PAN3: variants seen among roughly 807,000 people sequenced by gnomAD.
The protein encoded by PAN3 is poly(A) specific ribonuclease subunit PAN3, also known as PAN2-PAN3 deadenylation complex subunit PAN3.
PAN3 carries 19 observed loss-of-function variants against 96.2 expected under a neutral mutation model. The observed-to-expected ratio is 0.20, with a 90% CI of 0.14 to 0.29. The LOEUF is 0.29. Among genes scored for constraint, PAN3 ranks in the 10% least tolerant of loss-of-function variants. The pLI, the probability that PAN3 is intolerant of heterozygous loss-of-function variation, is 1.00. For missense variants in PAN3, 882 were observed against 1,108.1 expected (o/e 0.80, Z 2.90); for synonymous variants, 433 against 406.6 (o/e 1.06, Z -0.78).
chr13:28,182,772 G>A (rs546759052), intron 4 of PAN3, among the ~76,000 whole-genome samples: 22 of 152,168 alleles, frequency 1.4e-4, no homozygotes, highest in Middle Eastern at 3.4e-3. Flanking sequence ...ACTTTTCTCC[G>A]CTTTCTTCTT....
chr13:28,157,976 C>G (rs190967554), intron 1 of PAN3, among the ~76,000 whole-genome samples: 1 of 152,140 alleles, frequency 6.6e-6, no homozygotes, highest in East Asian at 1.9e-4. Flanking sequence ...ATCAAAACAG[C>G]GTGGTACAGG....
chr13:28,267,516 C>A (rs1886284222), intron 12 of PAN3, 115 bp downstream of exon 12: 1 of 855,632 alleles, frequency 1.2e-6, no homozygotes, highest in Non-Finnish European at 1.8e-6. Flanking sequence ...AGTTTAAAGA[C>A]TCTATTACAT....
rs1870132004 is a variant in PAN3 at position 28,294,728 on chromosome 13, G to C, written c.*2206G>C. The stretch of plus-strand genomic sequence containing the variant: ...TTGCTTCAGCCCCTAGTTAACCTCA[G>C]GACTTGGTTTGCATATAAAAGGTAG... On this transcript the variant is annotated 3_prime_UTR_variant, in exon 19 of 19. Transcript: ENST00000380958. 6.6e-6 allele frequency: 1 copy of C among 152,602 alleles called. No individual in the cohort carries two copies. Among genetic ancestry groups the C allele is most frequent in the Non-Finnish European group, 1.5e-5 (1 of 68,034 alleles). The allele number at this position is 152,602 out of a possible 1,614,324, so 9.5% of individuals were successfully genotyped here. A position where few individuals can be genotyped will look rare whatever the true frequency, so the allele number is the denominator to read the frequency against.
chr13:28,225,597 C>A (rs942715607), intron 6 of PAN3, among the ~76,000 whole-genome samples: 3 of 152,168 alleles, frequency 2.0e-5, no homozygotes, highest in Admixed American at 2.0e-4. Flanking sequence ...TAGTCATTTA[C>A]AGTAATATAA....
intron 6 of PAN3, among the ~76,000 whole-genome samples, chr13:28,227,062 T>G (rs906588096): frequency 6.6e-6 from 1 of 152,188 alleles, no homozygotes; most frequent in Non-Finnish European, 1.5e-5. Flanking sequence ...TGTATGCATG[T>G]GTAAGGACAC....
At chr13:28,245,135 A>G (rs1006672410) in intron 6 of PAN3, among the ~76,000 whole-genome samples, 10 of 152,124 alleles carry the variant, frequency 6.6e-5, no homozygotes, top group Non-Finnish European at 1.3e-4. Context: ...GCATGAGCCA[A>G]TGTGGCCAGC....
chr13:28,288,116 T>G lies in PAN3; in HGVS notation c.2517T>G (p.Leu839=). 6 of 1,600,658 alleles carry G rather than the reference T, an allele frequency of 3.7e-6. No individual in the cohort carries two copies. The highest frequency in any genetic ancestry group is 4.3e-6 in the Non-Finnish European group (5 of 1,175,954). Residue 839 remains leucine (L), a synonymous_variant, in exon 18 of 19, where the codon CTT becomes CTG. Transcript: ENST00000380958. ...WIDLSHIISC[L]NKLDAGVPEK... ...ACCTCAGTCATATAATTTCTTGTCT[T>G]AACAAGGTAATTTGTATCTAGATTT...
rs2138455287 is a variant in PAN3, at chr13:28,234,130, G to A, written c.1000+13752G>A. Among the ~76,000 whole-genome samples, 5 of 152,320 alleles carry A rather than the reference G, an allele frequency of 3.3e-5. No homozygotes were observed. The South Asian group carries it at 1.0e-3, about 32-fold the overall frequency. On this transcript the variant is annotated intron_variant, in intron 6 of 18. Transcript: ENST00000380958. ...GAGTTGAGGCAGTTAAGAAGCACTAGTGTGGTCTGGTACAGTCAGGGAGAA... is the reference window on the plus strand; with the variant it reads ...GAGTTGAGGCAGTTAAGAAGCACTAATGTGGTCTGGTACAGTCAGGGAGAA...
intron 5 of PAN3, among the ~76,000 whole-genome samples, chr13:28,208,959 G>C (rs1879700699): frequency 6.6e-6 from 1 of 152,002 alleles, no homozygotes; most frequent in Non-Finnish European, 1.5e-5. Flanking sequence ...GTATTCTGTG[G>C]GATTGGTTCT....
In PAN3 at chr13:28,220,470, G is replaced by C. The variant is rs938013854; in HGVS notation, c.1000+92G>C. ...TTATCAGAACTGAAATTGTATACTT[G>C]AATGATTCACATTTGAACATTAAGA... On this transcript the variant is annotated intron_variant, in intron 6 of 18. Transcript: ENST00000380958. The C allele has an allele frequency of 5.0e-6, 7 of 1,408,918 alleles. No homozygotes were observed. In the Admixed American group the frequency reaches 8.8e-5, roughly 18 times the overall value. 87.3% of individuals were successfully genotyped at this position (1,408,918 alleles called of 1,614,324 possible). A position where few individuals can be genotyped will look rare whatever the true frequency, so the allele number is the denominator to read the frequency against.
At position 28,228,957 on chromosome 13, in the gene PAN3, A is replaced by G. The variant is rs538502329; in HGVS notation, c.1000+8579A>G. On this transcript the variant is annotated intron_variant, in intron 6 of 18. Coordinates refer to ENST00000380958, the MANE Select transcript of PAN3 (RefSeq NM_175854.8). ...TCCAAGGCAGGTGTTCAGGTTGGCTAGGATGCTCTTCACATAGCTTATAAG... is the reference window on the plus strand; with the variant it reads ...TCCAAGGCAGGTGTTCAGGTTGGCTGGGATGCTCTTCACATAGCTTATAAG... Among the ~76,000 whole-genome samples the G allele has an allele frequency of 2.6e-5, 4 of 152,350 alleles. No individual in the cohort carries two copies. In the South Asian group the frequency reaches 6.2e-4, roughly 24 times the overall value.
Position 28,267,360 on chromosome 13 carries a change from A to G in PAN3, c.1751A>G (p.Asn584Ser), listed in dbSNP as rs780241879. The G allele has an allele frequency of 1.2e-6, 2 of 1,613,858 alleles. No individual in the cohort carries two copies. Among genetic ancestry groups the G allele is most frequent in the Admixed American group, 1.7e-5 (1 of 59,990 alleles). Residue 584 changes from asparagine to serine, a missense_variant, in exon 12 of 19, where the codon AAT becomes AGT. Physicochemically the swap from Asn to Ser is conservative, Grantham distance 46 (BLOSUM62 1). This residue lies in a region of PAN3 where 364 missense variants were observed against 513.6 expected (regional missense o/e 0.71). Transcript: ENST00000380958. ...GAAACTATGATGAGCAGACACTTTA[A>G]TGACCCTAATGCTGATGCCTACTTC... ...GGETMMSRHF[N>S]DPNADAYFTK...
At chr13:28,149,173 A>G (rs1871058814) in intron 1 of PAN3, among the ~76,000 whole-genome samples, 1 of 152,042 alleles carries the variant, frequency 6.6e-6, no homozygotes, top group African/African-American at 2.4e-5. Flanking sequence ...TGGGCAATGT[A>G]GTGAGACTCT....
intron 1 of PAN3, among the ~76,000 whole-genome samples, chr13:28,139,507 G>GGGGTGTTTGT (rs1869344117): frequency 1.8e-5 from 2 of 111,690 alleles, no homozygotes; most frequent in African/African-American, 9.8e-5. Context: ...AGTGGGGAGG[G>GGGGTGTTTGT]GTGTGTTTGT....
chr13:28,145,757 A>ATTT (rs895808998), intron 1 of PAN3, among the ~76,000 whole-genome samples: 15 of 124,428 alleles, frequency 1.2e-4, no homozygotes, highest in Non-Finnish European at 1.5e-4. Context: ...TGCCAAGCTA[A>ATTT]TTTTTTTTTT....
At chr13:28,160,406 T>G (rs1279633024) in intron 1 of PAN3, among the ~76,000 whole-genome samples, 1 of 151,992 alleles carries the variant, frequency 6.6e-6, no homozygotes, top group East Asian at 1.9e-4. Flanking sequence ...TTTAGAGAGA[T>G]TTGGTGAAGC....
chr13:28,176,847 TAA>T (rs576041465), intron 3 of PAN3, among the ~76,000 whole-genome samples: 1 of 144,368 alleles, frequency 6.9e-6, no homozygotes, highest in Non-Finnish European at 1.5e-5. Flanking sequence ...TCTCTATTAT[TAA>T]AAAAAAAAAG....
chr13:28,219,077 G>A (rs898509551), intron 5 of PAN3, among the ~76,000 whole-genome samples: 2 of 152,152 alleles, frequency 1.3e-5, no homozygotes, highest in South Asian at 2.1e-4. Flanking sequence ...AGAAATCAAG[G>A]AATTGGCCAT....
intron 1 of PAN3, among the ~76,000 whole-genome samples, chr13:28,148,647 A>G (rs1428853404): frequency 1.3e-5 from 2 of 152,166 alleles, no homozygotes; most frequent in African/African-American, 4.8e-5. Context: ...TATTTGGGGT[A>G]GCCACTGACA....
Sources: allele counts gnomAD v4.1 joint callset (sites outside exome capture counted in the v4.1 genomes callset), GRCh38; gene constraint gnomAD v4.1.1; regional missense constraint gnomAD v4.1.1; transcripts MANE v1.5; gene names NCBI Gene and HGNC (gene_info 2026-07-23, HGNC 2026-07-21).